The following SH3GL3 variants were observed in gnomAD, a reference collection of about 807,000 sequenced individuals.
SH3GL3 encodes endophilin-A3.
In SH3GL3, 33 loss-of-function variants were observed where a neutral mutation model predicts 47.7. That is an observed-to-expected ratio of 0.69 (90% CI 0.52 to 0.92). SH3GL3 has a LOEUF of 0.92. Ranked by LOEUF, SH3GL3 falls within the 40% of genes least tolerant of loss-of-function variation. The pLI is 0.00. For missense variants in SH3GL3, 363 were observed against 417.8 expected (o/e 0.87, Z 1.14); for synonymous variants, 155 against 148.8 (o/e 1.04, Z -0.30).
chr15:83,531,018 T>C (rs2043645957), intron 1 of SH3GL3, among the ~76,000 whole-genome samples: 1 of 152,188 alleles, frequency 6.6e-6, no homozygotes, highest in Admixed American at 6.5e-5. Context: ...CAAGATCCAA[T>C]TTCCCTTGAC....
At chr15:83,532,946 T>A (rs2043747370) in intron 1 of SH3GL3, among the ~76,000 whole-genome samples, 1 of 152,208 alleles carries the variant, frequency 6.6e-6, no homozygotes, top group African/African-American at 2.4e-5. Context: ...ATGAGACATA[T>A]GACTACCTGT....
chr15:83,628,161 A>T, the SH3GL3 span, among the ~76,000 whole-genome samples: 1 of 152,192 alleles, frequency 6.6e-6, no homozygotes, highest in South Asian at 2.1e-4. Context: ...TTCTAAGCCA[A>T]CTCACAAGTC....
chr15:83,457,128 T>C (rs1251462568), intron 1 of SH3GL3, among the ~76,000 whole-genome samples: 1 of 152,230 alleles, frequency 6.6e-6, no homozygotes, highest in African/African-American at 2.4e-5. Context: ...AGGGCACACC[T>C]ATGTGTGTTC....
chr15:83,459,305 C>T (rs547187473), intron 1 of SH3GL3, among the ~76,000 whole-genome samples: 204 of 152,330 alleles, frequency 1.3e-3, no homozygotes, highest in Non-Finnish European at 2.4e-3. Context: ...TAGCAACACC[C>T]TTACAGACAC....
intron 1 of SH3GL3, among the ~76,000 whole-genome samples, chr15:83,471,540 T>TA (rs2040827738): frequency 6.6e-6 from 1 of 152,222 alleles, no homozygotes; most frequent in East Asian, 1.9e-4. Flanking sequence ...TACCAGGCTT[T>TA]AATAAAGCAG....
intron 3 of SH3GL3, among the ~76,000 whole-genome samples, chr15:83,567,568 G>C (rs1313651686): frequency 6.6e-6 from 1 of 152,124 alleles, no homozygotes; most frequent in African/African-American, 2.4e-5. Context: ...TGCACCTTGG[G>C]ACCAGCCACA....
chr15:83,620,057 G>C (rs1439435908), downstream of SH3GL3, among the ~76,000 whole-genome samples: 2 of 152,148 alleles, frequency 1.3e-5, no homozygotes, highest in Admixed American at 6.5e-5. Context: ...TTGTTCAACT[G>C]TAAGAAGCAA....
intron 1 of SH3GL3, among the ~76,000 whole-genome samples, chr15:83,484,479 T>A (rs945305300): frequency 1.3e-5 from 2 of 152,174 alleles, no homozygotes; most frequent in Non-Finnish European, 2.9e-5. Flanking sequence ...ATTAAGTTTT[T>A]AAAAAATCCA....
At chr15:83,604,075 C>T (rs1024352094) in intron 8 of SH3GL3, among the ~76,000 whole-genome samples, 2 of 151,604 alleles carry the variant, frequency 1.3e-5, no homozygotes, top group East Asian at 1.9e-4. Flanking sequence ...GCAGAGGTTG[C>T]GGTGAGGTTG....
chr15:83,464,394 A>G (rs2040464982), intron 1 of SH3GL3, among the ~76,000 whole-genome samples: 1 of 152,104 alleles, frequency 6.6e-6, no homozygotes, highest in African/African-American at 2.4e-5. Context: ...CTCCCAAGGT[A>G]GCTTCCTCAG....
chr15:83,468,706 T>C (rs1292314131), intron 1 of SH3GL3, among the ~76,000 whole-genome samples: 6 of 152,168 alleles, frequency 3.9e-5, no homozygotes, highest in Non-Finnish European at 4.4e-5. Flanking sequence ...TCATGATGTA[T>C]AATTTTTTAA....
chr15:83,499,200 T>G (rs141511594), intron 1 of SH3GL3, among the ~76,000 whole-genome samples: 82 of 152,240 alleles, frequency 5.4e-4, no homozygotes, highest in Middle Eastern at 6.8e-3. Flanking sequence ...GGTTTTTTAA[T>G]GTCTAAGGCC....
At chr15:83,627,420 A>C in the SH3GL3 span, among the ~76,000 whole-genome samples, 1 of 151,794 alleles carries the variant, frequency 6.6e-6, no homozygotes, top group East Asian at 1.9e-4. Flanking sequence ...AAAAGAAAAG[A>C]AAAGGGATGT....
the SH3GL3 span, among the ~76,000 whole-genome samples, chr15:83,624,958 T>C: frequency 6.6e-6 from 1 of 152,126 alleles, no homozygotes; most frequent in African/African-American, 2.4e-5. Context: ...TTATGTTCAC[T>C]TCCTTAAGAA....
chr15:83,517,935 T>C (rs1200495331), intron 1 of SH3GL3, among the ~76,000 whole-genome samples: 1 of 152,202 alleles, frequency 6.6e-6, no homozygotes, highest in Non-Finnish European at 1.5e-5. Flanking sequence ...CATTGTCTAT[T>C]GTTGCCATCT....
the SH3GL3 span, among the ~76,000 whole-genome samples, chr15:83,624,220 G>C: frequency 2.6e-5 from 4 of 152,132 alleles, no homozygotes; most frequent in Non-Finnish European, 5.9e-5. Context: ...TTGCTATAGA[G>C]GCAAATAGAT....
chr15:83,589,653 A>G (rs2060043093), intron 8 of SH3GL3, among the ~76,000 whole-genome samples: 1 of 152,230 alleles, frequency 6.6e-6, no homozygotes, highest in Non-Finnish European at 1.5e-5. Flanking sequence ...CTGGGATTAT[A>G]GGCATGAGCC....
At chr15:83,513,173 G>T (rs971392209) in intron 1 of SH3GL3, among the ~76,000 whole-genome samples, 9 of 152,220 alleles carry the variant, frequency 5.9e-5, no homozygotes, top group Admixed American at 5.9e-4. Context: ...GCATGGAGCT[G>T]AGAGGCGTGG....
At chr15:83,632,263 A>C in the SH3GL3 span, among the ~76,000 whole-genome samples, 4 of 152,150 alleles carry the variant, frequency 2.6e-5, no homozygotes, top group Admixed American at 6.5e-5. Context: ...GAGCCCTCCA[A>C]ACTGTTCCAA....
Sources: allele counts gnomAD v4.1 joint callset (sites outside exome capture counted in the v4.1 genomes callset), GRCh38; gene constraint gnomAD v4.1.1; transcripts MANE v1.5; gene names NCBI Gene and HGNC (gene_info 2026-07-23, HGNC 2026-07-21).